COL5A2: variants seen among roughly 807,000 people sequenced by gnomAD.
COL5A2 encodes the protein collagen type V alpha 2 chain, also known as collagen alpha-2(V) chain.
Under a neutral mutation model 208.2 loss-of-function variants are expected in COL5A2, and 23 were observed. That is an observed-to-expected ratio of 0.11 (90% CI 0.08 to 0.16). The LOEUF is 0.16. Ranked by LOEUF, COL5A2 falls within the 10% of genes least tolerant of loss-of-function variation. COL5A2 has a pLI of 1.00. For synonymous variants in COL5A2, 625 were observed against 628.5 expected (o/e 0.99, Z 0.08); for missense variants, 1,590 against 1,956.4 (o/e 0.81, Z 3.53).
chr2:189,053,739 T>A (rs1441328016), intron 37 of COL5A2, among the ~76,000 whole-genome samples, 156 bp downstream of exon 37: 1 of 152,168 alleles, frequency 6.6e-6, no homozygotes, highest in Non-Finnish European at 1.5e-5. Context: ...TAGCAGATAA[T>A]TTTTAAGTTT....
chr2:189,148,175 A>G (rs1214143401), intron 1 of COL5A2, among the ~76,000 whole-genome samples: 1 of 152,200 alleles, frequency 6.6e-6, no homozygotes, highest in South Asian at 2.1e-4. Flanking sequence ...TGAAAGACCC[A>G]GAAAATGATC....
At chr2:189,348,463 C>A in the COL5A2 span, among the ~76,000 whole-genome samples, 1 of 152,042 alleles carries the variant, frequency 6.6e-6, no homozygotes, top group South Asian at 2.1e-4. Flanking sequence ...GGCTAGTACA[C>A]GTTCTAGTTA....
the COL5A2 span, among the ~76,000 whole-genome samples, chr2:189,240,425 C>A: frequency 2.6e-5 from 4 of 152,132 alleles, no homozygotes; most frequent in Non-Finnish European, 5.9e-5. Flanking sequence ...TCTAATCTAA[C>A]CCCAGTTACC....
In COL5A2 at chr2:189,049,432, G is replaced by A. The variant is rs199720549; in HGVS notation, c.3062C>T (p.Pro1021Leu). ...GPAGTPGKVG[P>L]TGATGDKGPP... ...ACCTTTATCTCCTGTTGCACCAGTTGGTCCTACTTTTCCTGGTGTTCCCTG... is the reference window on the plus strand; with the variant it reads ...ACCTTTATCTCCTGTTGCACCAGTTAGTCCTACTTTTCCTGGTGTTCCCTG... The change falls in exon 44 of 54, where the codon CCA becomes CTA. Residue 1021 changes from proline to leucine, a missense_variant. By Grantham distance (98) the Pro-to-Leu change is moderately conservative. Transcript: ENST00000374866. 3 of 1,613,340 alleles carry A rather than the reference G, an allele frequency of 1.9e-6. No homozygotes were observed. The highest frequency in any genetic ancestry group is 2.5e-6 in the Non-Finnish European group (3 of 1,179,644).
the COL5A2 span, among the ~76,000 whole-genome samples, chr2:189,267,889 G>C: frequency 2.0e-5 from 3 of 152,040 alleles, no homozygotes; most frequent in Non-Finnish European, 4.4e-5. Context: ...TATTCTTGTT[G>C]GTTGCATAGC....
rs1273116792 is a variant in COL5A2 at position 189,068,892 on chromosome 2, G to A, written c.1159-8C>T. 1.3e-6 allele frequency: 2 copies of A among 1,573,974 alleles called. No homozygotes were observed. Among genetic ancestry groups the A allele is most frequent in the Non-Finnish European group, 1.7e-6 (2 of 1,144,166 alleles). ...TGTAGGACCTGCTTCTCCCTAAAAGGGTGCAAAGGGAAATGTTAATTTAAG... is the reference window on the plus strand; with the variant it reads ...TGTAGGACCTGCTTCTCCCTAAAAGAGTGCAAAGGGAAATGTTAATTTAAG... On this transcript the variant is annotated splice_polypyrimidine_tract_variant and splice_region_variant and intron_variant, in intron 18 of 53. Transcript: ENST00000374866.
chr2:189,115,765 A>G (rs576564441), intron 1 of COL5A2, among the ~76,000 whole-genome samples: 1 of 152,316 alleles, frequency 6.6e-6, no homozygotes, highest in African/African-American at 2.4e-5. Flanking sequence ...TGATAAACGT[A>G]TGTGTAGCAT....
intron 1 of COL5A2, among the ~76,000 whole-genome samples, chr2:189,128,233 A>G (rs988015151): frequency 6.6e-6 from 1 of 151,986 alleles, no homozygotes; most frequent in South Asian, 2.1e-4. Context: ...ACTTCTGCCA[A>G]TATAACCCAT....
At chr2:189,236,712 C>G in the COL5A2 span, among the ~76,000 whole-genome samples, 8 of 151,926 alleles carry the variant, frequency 5.3e-5, no homozygotes, top group African/African-American at 1.9e-4. Context: ...ACTGGGCTAT[C>G]TGACATTTTC....
chr2:189,409,062 G>A, the COL5A2 span, among the ~76,000 whole-genome samples: 1 of 152,060 alleles, frequency 6.6e-6, no homozygotes, highest in Non-Finnish European at 1.5e-5. Context: ...CTTCTTTAGA[G>A]ATATACTTTC....
chr2:189,155,453 C>T (rs1474063904), intron 1 of COL5A2, among the ~76,000 whole-genome samples: 2 of 152,180 alleles, frequency 1.3e-5, no homozygotes, highest in East Asian at 1.9e-4. Flanking sequence ...TTCTCCAGAA[C>T]AGCACTGTCC....
chr2:189,439,911 CAA>C, the COL5A2 span, among the ~76,000 whole-genome samples: 2 of 152,254 alleles, frequency 1.3e-5, no homozygotes, highest in South Asian at 4.1e-4. Context: ...AAGTACCCAA[CAA>C]AGTCTTTAAA....
chr2:189,415,317 A>T, the COL5A2 span, among the ~76,000 whole-genome samples: 1 of 152,126 alleles, frequency 6.6e-6, no homozygotes, highest in South Asian at 2.1e-4. Flanking sequence ...TCTTTAGACA[A>T]TTATTTATAA....
the COL5A2 span, among the ~76,000 whole-genome samples, chr2:189,315,523 A>G: frequency 5.3e-5 from 8 of 152,284 alleles, no homozygotes; most frequent in East Asian, 1.5e-3. Flanking sequence ...AAATCAGCAC[A>G]AGACAAAGGT....
the COL5A2 span, among the ~76,000 whole-genome samples, chr2:189,276,344 C>T: frequency 2.4e-4 from 37 of 152,258 alleles, 1 homozygote; most frequent in African/African-American, 8.7e-4. Context: ...GTAATAACCA[C>T]CACATGCTAT....
intron 1 of COL5A2, among the ~76,000 whole-genome samples, chr2:189,191,167 C>CAA (rs1688921444): frequency 8.0e-6 from 1 of 124,888 alleles, no homozygotes; most frequent in Non-Finnish European, 1.6e-5. Flanking sequence ...AACAAACAAA[C>CAA]AACAAAAAAC....
At chr2:189,041,732 G>T in intron 49 of COL5A2, 39 bp from the exon 50 acceptor site, 1 of 1,442,256 alleles carries the variant, frequency 6.9e-7, no homozygotes, top group Non-Finnish European at 9.8e-7. Context: ...TTCTATGAAG[G>T]AAAAATTTTA....
At chr2:189,339,369 G>T in the COL5A2 span, among the ~76,000 whole-genome samples, 1 of 142,622 alleles carries the variant, frequency 7.0e-6, no homozygotes, top group African/African-American at 2.6e-5. Flanking sequence ...AAAAAAAAAA[G>T]ATTTGTTTCA....
Position 189,133,964 on chromosome 2 carries a change from G to A in COL5A2, c.98-23515C>T, listed in dbSNP as rs539727777. Among the ~76,000 whole-genome samples, 40 of 152,042 alleles carry A rather than the reference G, an allele frequency of 2.6e-4. 2 individuals are homozygous for A. The South Asian group carries it at 8.1e-3, about 31-fold the overall frequency. ...GCTTGAAAATGACCATGCAGTCCAG[G>A]GAGGACACAGCCATACAGAATTGCT... On this transcript the variant is annotated intron_variant, in intron 1 of 53. Transcript: ENST00000374866.
Sources: gnomAD v4.1 joint callset for allele counts (sites outside exome capture counted in the v4.1 genomes callset) on GRCh38, gnomAD v4.1.1 for gene constraint, MANE v1.5 for transcripts, NCBI Gene and HGNC (gene_info 2026-07-23, HGNC 2026-07-21) for gene names.